The following H2BC12 variants were observed in gnomAD, a reference collection of about 807,000 sequenced individuals.
H2BC12 encodes the protein H2B clustered histone 12.
Under a neutral mutation model 6.3 loss-of-function variants are expected in H2BC12, and 6 were observed. That is an observed-to-expected ratio of 0.95 (90% CI 0.52 to 1.87). H2BC12 has a LOEUF of 1.87. Among genes scored for constraint, H2BC12 ranks in the 40% most tolerant of loss-of-function variants. H2BC12 has a pLI of 0.01. For synonymous variants in H2BC12, 132 were observed against 78.5 expected (o/e 1.68, Z -3.60); for missense variants, 119 against 178.4 (o/e 0.67, Z 1.90).
At chr6:27,139,616 G>C in the H2BC12 span, 1 of 1,606,384 alleles carries the variant, frequency 6.2e-7, no homozygotes, top group Non-Finnish European at 8.5e-7. Flanking sequence ...GGCTTCGGCG[G>C]CTAAATGGCA....
rs760017496 is a variant in H2BC12, at chr6:27,146,372, TA to T, written c.*45del. ...TAATATCGATAATTTAAGTGGCTCTTAAAAGAGCCTTTGGGGTTGGGCTTTA... is the reference window on the plus strand; with the variant it reads ...TAATATCGATAATTTAAGTGGCTCTTAAAGAGCCTTTGGGGTTGGGCTTTA... On this transcript the variant is annotated 3_prime_UTR_variant, in exon 1 of 1. Coordinates refer to ENST00000356950, the MANE Select transcript of H2BC12 (RefSeq NM_001312653.2). The T allele has an allele frequency of 2.5e-6, 4 of 1,612,286 alleles. No homozygotes were observed. In the East Asian group the frequency reaches 6.7e-5, roughly 27 times the overall value.
Position 27,146,848 on chromosome 6 carries a change from G to T in H2BC12, c.-50C>A, listed in dbSNP as rs749844916. The T allele has an allele frequency of 1.9e-6, 3 of 1,597,148 alleles. No homozygotes were observed. The South Asian group carries it at 3.4e-5, about 18-fold the overall frequency. On this transcript the variant is annotated 5_prime_UTR_variant, in exon 1 of 1. Transcript: ENST00000356950. ...GACGAGCAGCAGATCGAGAAAACGG[G>T]AAGTAATGGGAGCAAGGTACCAGGA...
At chr6:27,139,801 C>T in the H2BC12 span, 1 of 1,039,386 alleles carries the variant, frequency 9.6e-7, no homozygotes, top group African/African-American at 1.6e-5. Context: ...CTACAGGTGA[C>T]CTTGGGCCGA....
At chr6:27,145,362 A>G (rs1760060715), downstream of H2BC12, among the ~76,000 whole-genome samples, 1 of 151,488 alleles carries the variant, frequency 6.6e-6, no homozygotes, top group Admixed American at 6.6e-5. Context: ...AAACTGGCCT[A>G]CATTTCTAAA....
At chr6:27,139,320 C>T in the H2BC12 span, 60 of 1,608,902 alleles carry the variant, frequency 3.7e-5, no homozygotes, top group Admixed American at 5.0e-5. Context: ...TGTCAGGACG[C>T]GGCAAAGGAG....
At chr6:27,139,881 G>A in the H2BC12 span, 1 of 528,552 alleles carries the variant, frequency 1.9e-6, no homozygotes, top group African/African-American at 2.0e-5. Flanking sequence ...ATTGCCTGCA[G>A]CCGGTTTACC....
chr6:27,145,386 C>T (rs544004104), downstream of H2BC12, among the ~76,000 whole-genome samples: 6 of 151,798 alleles, frequency 4.0e-5, no homozygotes, highest in African/African-American at 9.7e-5. Flanking sequence ...CAAATTTAGC[C>T]AGGTAACAAC....
downstream of H2BC12, among the ~76,000 whole-genome samples, chr6:27,145,932 A>G (rs1190879700): frequency 6.6e-6 from 1 of 152,186 alleles, no homozygotes; most frequent in Non-Finnish European, 1.5e-5. Flanking sequence ...AGCCTAGAAG[A>G]GGTTAAATAA....
At chr6:27,142,744 C>T (rs1760022314), downstream of H2BC12, among the ~76,000 whole-genome samples, 1 of 146,430 alleles carries the variant, frequency 6.8e-6, no homozygotes, top group South Asian at 2.2e-4. Context: ...TCAAGCCATT[C>T]TCCTGCCTCA....
rs762322075 is a variant in H2BC12 at position 27,146,793 on chromosome 6, C to G, written c.6G>C (p.Pro2=). 3.1e-6 allele frequency: 5 copies of G among 1,613,820 alleles called. No homozygotes were observed. Among genetic ancestry groups the G allele is most frequent in the Non-Finnish European group, 4.2e-6 (5 of 1,179,890 alleles). Residue 2 remains proline (P), a synonymous_variant, in exon 1 of 1, where the codon CCG becomes CCC. Coordinates refer to ENST00000356950, the MANE Select transcript of H2BC12 (RefSeq NM_001312653.2). M[P]EPAKSAPAPK... is the part of the protein sequence containing the mutation. ...GCGCGGGAGCGGACTTCGCTGGTTC[C>G]GGCATGTTGAAGGCGAACTACGAGC...
Position 27,146,604 on chromosome 6 carries a change from G to C in H2BC12, c.195C>G (p.Ser65=), listed in dbSNP as rs140120697. The change falls in exon 1 of 1, where the codon TCC becomes TCG. Residue 65 remains serine (S), a synonymous_variant. Coordinates refer to ENST00000356950, the MANE Select transcript of H2BC12 (RefSeq NM_001312653.2). The part of the protein sequence containing the change: ...ISSKAMGIMN[S]FVNDIFERIA... ...TGCGTTCGAAGATGTCGTTGACGAA[G>C]GAGTTCATGATTCCCATGGCCTTAG... 2 of 1,614,158 alleles carry C rather than the reference G, an allele frequency of 1.2e-6. No individual in the cohort carries two copies. Among genetic ancestry groups the C allele is most frequent in the East Asian group, 2.2e-5 (1 of 44,902 alleles).
At chr6:27,144,670 A>G (rs1457917185), downstream of H2BC12, among the ~76,000 whole-genome samples, 1 of 152,190 alleles carries the variant, frequency 6.6e-6, no homozygotes, top group South Asian at 2.1e-4. Context: ...TGATATGTCC[A>G]TTTGCAAAAA....
At chr6:27,140,083 TG>T in the H2BC12 span, among the ~76,000 whole-genome samples, 16 of 150,618 alleles carry the variant, frequency 1.1e-4, no homozygotes, top group Admixed American at 3.3e-4. Context: ...GAGCTCTGCA[TG>T]GGGGGGAGGG....
At chr6:27,138,668 G>C in the H2BC12 span, 1 of 152,186 alleles carries the variant, frequency 6.6e-6, no homozygotes, top group African/African-American at 2.4e-5. Flanking sequence ...GGAAATTCCA[G>C]AGAAAGTCCC....
chr6:27,142,499 G>A (rs1015290254), downstream of H2BC12, among the ~76,000 whole-genome samples: 1 of 151,862 alleles, frequency 6.6e-6, no homozygotes, highest in African/African-American at 2.4e-5. Flanking sequence ...CCTGACCTCA[G>A]GTCATCCGCC....
At position 27,146,815 on chromosome 6, in the gene H2BC12, G is replaced by C. The variant is rs768807909; in HGVS notation, c.-17C>G. 7.4e-6 allele frequency: 12 copies of C among 1,611,266 alleles called. No individual in the cohort carries two copies. The highest frequency in any genetic ancestry group is 1.3e-5 in the African/African-American group (1 of 74,718). ...TTCCGGCATGTTGAAGGCGAACTAC[G>C]AGCCTGAGACGAGCAGCAGATCGAG... is the stretch of plus-strand genomic sequence containing the variant. On this transcript the variant is annotated 5_prime_UTR_variant, in exon 1 of 1. Coordinates refer to ENST00000356950, the MANE Select transcript of H2BC12 (RefSeq NM_001312653.2).
chr6:27,138,721 C>T, the H2BC12 span: 1 of 152,140 alleles, frequency 6.6e-6, no homozygotes, highest in African/African-American at 2.4e-5. Flanking sequence ...GTTAGAGGGA[C>T]CTTGATTCTT....
chr6:27,145,041 C>T (rs1371430138), downstream of H2BC12, among the ~76,000 whole-genome samples: 3 of 151,998 alleles, frequency 2.0e-5, no homozygotes, highest in Non-Finnish European at 4.4e-5. Context: ...AAGTGATCTG[C>T]CCTCCTATAT....
At position 27,146,580 on chromosome 6, in the gene H2BC12, G is replaced by A. The variant is rs1253903745; in HGVS notation, c.219C>T (p.Arg73=). The change falls in exon 1 of 1, where the codon CGC becomes CGT. Residue 73 remains arginine, a synonymous_variant. Coordinates refer to ENST00000356950, the MANE Select transcript of H2BC12 (RefSeq NM_001312653.2). ...MNSFVNDIFE[R]IAGEASRLAH... ...CCAGGCGGGAAGCCTCACCCGCGAT[G>A]CGTTCGAAGATGTCGTTGACGAAGG... 3.1e-6 allele frequency: 5 copies of A among 1,614,144 alleles called. No homozygotes were observed. Among genetic ancestry groups the A allele is most frequent in the Non-Finnish European group, 4.2e-6 (5 of 1,180,054 alleles).
Sources: allele counts gnomAD v4.1 joint callset (sites outside exome capture counted in the v4.1 genomes callset), GRCh38; gene constraint gnomAD v4.1.1; transcripts MANE v1.5; gene names NCBI Gene and HGNC (gene_info 2026-07-23, HGNC 2026-07-21).